The following CAVIN2 variants were observed in gnomAD, a reference collection of about 807,000 sequenced individuals.
CAVIN2 encodes the protein caveolae-associated protein 2.
CAVIN2 carries 13 observed loss-of-function variants against 11.7 expected under a neutral mutation model. The ratio of observed to expected loss-of-function variants is 1.11; its 90% CI spans 0.72 to 1.77. The LOEUF is 1.77. Among genes scored for constraint, CAVIN2 ranks in the 40% most tolerant of loss-of-function variants. The probability of loss-of-function intolerance (pLI) is 0.00; values close to 1 mark genes in which losing one functional copy is unlikely to be tolerated. For missense variants in CAVIN2, 549 were observed against 542.9 expected (o/e 1.01, Z -0.11); for synonymous variants, 237 against 223.2 (o/e 1.06, Z -0.55).
At position 191,846,783 on chromosome 2, in the gene CAVIN2, C is replaced by T. The variant is rs1317392815; in HGVS notation, c.143G>A (p.Arg48Gln). The T allele has an allele frequency of 9.3e-6, 15 of 1,614,068 alleles. No individual in the cohort carries two copies. Among genetic ancestry groups the T allele is most frequent in the Non-Finnish European group, 1.2e-5 (14 of 1,180,038 alleles). ...GACTGCGTTCACCTGTGAGTTGTCC[C>T]GGATGGCCTCCTCTGTGTTCCCTAG... ...LNLGNTEEAI[R>Q]DNSQVNAVTV... Residue 48 changes from arginine (R) to glutamine (Q), a missense_variant, in exon 1 of 2, where the codon CGG (arginine) becomes CAG (glutamine). Physicochemically the swap from Arg to Gln is conservative, Grantham distance 43. Transcript: ENST00000304141.
chr2:191,845,417 T>C (rs1168538006), intron 1 of CAVIN2, among the ~76,000 whole-genome samples: 1 of 152,226 alleles, frequency 6.6e-6, no homozygotes. Flanking sequence ...AACTGTTGGT[T>C]ATAGCCTCTC....
chr2:191,837,805 C>A (rs535034014), intron 1 of CAVIN2, among the ~76,000 whole-genome samples: 7 of 152,192 alleles, frequency 4.6e-5, no homozygotes, highest in Non-Finnish European at 1.0e-4. Flanking sequence ...GTCTTCACAT[C>A]TTTTTTGAAA....
At chr2:191,841,236 G>A (rs1213727335) in intron 1 of CAVIN2, among the ~76,000 whole-genome samples, 1 of 152,000 alleles carries the variant, frequency 6.6e-6, no homozygotes, top group African/African-American at 2.4e-5. Flanking sequence ...GTTATCAAGG[G>A]TTCAATTCTT....
chr2:191,838,028 G>A (rs1351811699), intron 1 of CAVIN2, among the ~76,000 whole-genome samples: 1 of 152,214 alleles, frequency 6.6e-6, no homozygotes, highest in Non-Finnish European at 1.5e-5. Flanking sequence ...GGGGGGCAAA[G>A]CTCCAGACCC....
At chr2:191,845,105 T>A (rs866563458) in intron 1 of CAVIN2, among the ~76,000 whole-genome samples, 3 of 152,332 alleles carry the variant, frequency 2.0e-5, no homozygotes, top group South Asian at 2.1e-4. Context: ...TTACAGTATC[T>A]CTTTTCAATT....
intron 1 of CAVIN2, among the ~76,000 whole-genome samples, chr2:191,841,780 T>C (rs1323837873): frequency 6.6e-6 from 1 of 152,208 alleles, no homozygotes; most frequent in Non-Finnish European, 1.5e-5. Context: ...GTCTAGTTTT[T>C]TTTTACATAA....
Position 191,834,419 on chromosome 2 carries a change from G to A in CAVIN2, c.*1504C>T, listed in dbSNP as rs914706221. 3.9e-5 allele frequency: 6 copies of A among 152,072 alleles called. No individual in the cohort carries two copies. The highest frequency in any genetic ancestry group is 3.3e-4 in the Admixed American group (5 of 15,266). 9.4% of individuals were successfully genotyped at this position (152,072 alleles called of 1,614,324 possible). On this transcript the variant is annotated 3_prime_UTR_variant, in exon 2 of 2. Transcript: ENST00000304141. ...CAAAAATAAGGACATAGCTGAATAG[G>A]TTATGCCATCAATATGTTTGTTAAT...
chr2:191,846,771 T>C lies in CAVIN2; in HGVS notation c.155A>G (p.Gln52Arg), dbSNP rs368981285. 6.2e-6 allele frequency: 10 copies of C among 1,614,096 alleles called. No homozygotes were observed. The highest frequency in any genetic ancestry group is 8.5e-6 in the Non-Finnish European group (10 of 1,180,038). ...NTEEAIRDNS[Q>R]VNAVTVLTLL... ...CGTGAGCACCGTGACTGCGTTCACC[T>C]GTGAGTTGTCCCGGATGGCCTCCTC... The change falls in exon 1 of 2, where the codon CAG becomes CGG. Residue 52 changes from glutamine (Q) to arginine (R), a missense_variant. Physicochemically the swap from Gln to Arg is conservative, Grantham distance 43. Coordinates refer to ENST00000304141, the MANE Select transcript of CAVIN2 (RefSeq NM_004657.6).
intron 1 of CAVIN2, among the ~76,000 whole-genome samples, chr2:191,841,221 T>C (rs1275188195): frequency 6.6e-6 from 1 of 152,228 alleles, no homozygotes; most frequent in African/African-American, 2.4e-5. Flanking sequence ...TCATTATTTT[T>C]CAGTGTTATC....
intron 1 of CAVIN2, among the ~76,000 whole-genome samples, chr2:191,839,519 T>G (rs760305303): frequency 3.3e-5 from 5 of 152,324 alleles, no homozygotes; most frequent in Non-Finnish European, 5.9e-5. Flanking sequence ...CTGTGGTAGA[T>G]ACACACTGTG....
chr2:191,846,622 T>A lies in CAVIN2; in HGVS notation c.304A>T (p.Lys102Ter). ...GIQNDLTKLS[K>*]YQASTSNTVS... ...GTGTTGCTGGTGGAGGCCTGGTACT[T>A]GGAGAGCTTGGTGAGGTCATTCTGG... Residue 102 changes from lysine to a stop codon, truncating the protein, a stop_gained, in exon 1 of 2, where the codon AAG becomes TAG. Coordinates refer to ENST00000304141, the MANE Select transcript of CAVIN2 (RefSeq NM_004657.6). LOFTEE classifies it high-confidence loss of function. 1 of 1,614,270 alleles carries A rather than the reference T, an allele frequency of 6.2e-7. No homozygotes were observed. The highest frequency in any genetic ancestry group is 1.1e-5 in the South Asian group (1 of 91,092).
rs1158306280 is a variant in CAVIN2 at position 191,838,771 on chromosome 2, C to T, written c.484-2054G>A. ...CTGTGTCCCAGCACCTAGAGCTCAA[C>T]AGCTGCTTGTTAAATGAGTGCATGT... On this transcript the variant is annotated intron_variant, in intron 1 of 1. Coordinates refer to ENST00000304141, the MANE Select transcript of CAVIN2 (RefSeq NM_004657.6). Among the ~76,000 whole-genome samples the T allele has an allele frequency of 1.9e-4, 29 of 152,220 alleles. 1 individual carries two copies. The highest frequency in any genetic ancestry group is 1.5e-5 in the Non-Finnish European group (1 of 68,040).
chr2:191,839,506 G>C (rs1690065496), intron 1 of CAVIN2, among the ~76,000 whole-genome samples: 1 of 152,172 alleles, frequency 6.6e-6, no homozygotes, highest in Admixed American at 6.5e-5. Flanking sequence ...AATCATATAT[G>C]ATCTGTGGTA....
chr2:191,843,531 T>C (rs2105737668), intron 1 of CAVIN2, among the ~76,000 whole-genome samples: 1 of 152,304 alleles, frequency 6.6e-6, no homozygotes, highest in East Asian at 1.9e-4. Context: ...TATGCTCCAC[T>C]GTGAAGATTA....
At chr2:191,844,311 A>T (rs1469586472) in intron 1 of CAVIN2, among the ~76,000 whole-genome samples, 4 of 152,196 alleles carry the variant, frequency 2.6e-5, no homozygotes, top group African/African-American at 7.2e-5. Context: ...CTACTTTTAG[A>T]AGGAACAAGA....
At chr2:191,838,544 C>T (rs191221515) in intron 1 of CAVIN2, among the ~76,000 whole-genome samples, 148 of 152,218 alleles carry the variant, frequency 9.7e-4, no homozygotes, top group Admixed American at 3.1e-3. Flanking sequence ...CACACTCTGC[C>T]ATTTTGAATG....
intron 1 of CAVIN2, among the ~76,000 whole-genome samples, chr2:191,843,069 AG>A: frequency 6.6e-6 from 1 of 152,320 alleles, no homozygotes; most frequent in East Asian, 1.9e-4. Flanking sequence ...CTGTAATCCC[AG>A]CTACTTGGGA....
At chr2:191,840,728 T>C (rs1473137679) in intron 1 of CAVIN2, among the ~76,000 whole-genome samples, 4 of 152,212 alleles carry the variant, frequency 2.6e-5, no homozygotes, top group African/African-American at 7.2e-5. Context: ...TACCTAGATA[T>C]GCACACCTTA....
At position 191,834,809 on chromosome 2, in the gene CAVIN2, T is replaced by G. The variant is rs1689988041; in HGVS notation, c.*1114A>C. ...GTACAAAAAAAGAAAAAATAGAATC[T>G]TTCACTTCCAAAACCTATAGATTTT... On this transcript the variant is annotated 3_prime_UTR_variant, in exon 2 of 2. Transcript: ENST00000304141. The G allele has an allele frequency of 6.6e-6, 1 of 152,070 alleles. No homozygotes were observed. The highest frequency in any genetic ancestry group is 1.5e-5 in the Non-Finnish European group (1 of 67,978). The allele number at this position is 152,070 out of a possible 1,614,324, so 9.4% of individuals were successfully genotyped here.
Sources: gnomAD v4.1 joint callset for allele counts (sites outside exome capture counted in the v4.1 genomes callset) on GRCh38, gnomAD v4.1.1 for gene constraint, MANE v1.5 for transcripts, NCBI Gene and HGNC (gene_info 2026-07-23, HGNC 2026-07-21) for gene names.